Variants in CNBD1 observed in about 807,000 individuals in gnomAD.
The protein encoded by CNBD1 is cyclic nucleotide-binding domain-containing protein 1.
In CNBD1, 71 loss-of-function variants were observed where a neutral mutation model predicts 54.4. That is an observed-to-expected ratio of 1.30 (90% confidence interval 1.08 to 1.59). The LOEUF (loss-of-function observed/expected upper bound fraction) is 1.59, where lower values mean the gene tolerates loss of function less well. Among genes scored for constraint, CNBD1 ranks in the 40% most tolerant of loss-of-function variants. The pLI, the probability that CNBD1 is intolerant of heterozygous loss-of-function variation, is 0.00. For missense variants in CNBD1, 659 were observed against 518.0 expected, an observed-to-expected ratio of 1.27 and a Z score of -2.64; for synonymous variants, 182 against 170.7, an observed-to-expected ratio of 1.07 and a Z score of -0.51.
At chr8:87,083,595 T>C (rs917392632) in intron 4 of CNBD1, among the ~76,000 whole-genome samples, 14 of 148,148 alleles carry the variant, frequency 9.5e-5, no homozygotes, top group African/African-American at 3.5e-4. Context: ...CTTTTTTTTT[T>C]TTTTTTTTTT....
chr8:87,139,044 T>A (rs1051174107), intron 4 of CNBD1, among the ~76,000 whole-genome samples: 12 of 152,296 alleles, frequency 7.9e-5, no homozygotes, highest in South Asian at 6.2e-4. Flanking sequence ...CATAGTGGCC[T>A]CTTTTGTCGT....
chr8:86,936,567 C>T (rs1809551639), intron 3 of CNBD1, among the ~76,000 whole-genome samples: 1 of 151,836 alleles, frequency 6.6e-6, no homozygotes, highest in Admixed American at 6.6e-5. Flanking sequence ...TGTGAAACCC[C>T]ATCTCTACTA....
At chr8:87,305,637 C>T (rs895780580) in intron 8 of CNBD1, among the ~76,000 whole-genome samples, 32 of 151,988 alleles carry the variant, frequency 2.1e-4, no homozygotes, top group South Asian at 6.2e-4. Flanking sequence ...ACAAAGCAAA[C>T]GAAAACATAA....
chr8:87,249,187 G>T (rs1001149533), intron 6 of CNBD1, among the ~76,000 whole-genome samples: 1 of 152,098 alleles, frequency 6.6e-6, no homozygotes, highest in African/African-American at 2.4e-5. Context: ...TCAGGCATTA[G>T]ATTCTCATAA....
In CNBD1 at chr8:87,341,115, C is replaced by T. The variant is rs764242088; in HGVS notation, c.1043-10570C>T. Among the ~76,000 whole-genome samples the T allele has an allele frequency of 4.6e-4, 70 of 152,228 alleles. 2 individuals are homozygous for T. The highest frequency in any genetic ancestry group is 6.9e-4 in the Non-Finnish European group (47 of 68,014). On this transcript the variant is annotated intron_variant, in intron 8 of 10. Coordinates refer to ENST00000518476, the MANE Select transcript of CNBD1 (RefSeq NM_173538.3). The stretch of plus-strand genomic sequence containing the variant: ...TTTTCTTTAGATGTATCTTCTTGGA[C>T]TTGTGCTTGTAAATTTCTAATTCAA...
chr8:87,325,109 G>C (rs368431073), intron 8 of CNBD1, among the ~76,000 whole-genome samples: 2,736 of 86,794 alleles, frequency 0.032, 205 homozygotes, highest in African/African-American at 0.096. Context: ...GTAGTTGGGC[G>C]GCTTTGAGTG....
intron 4 of CNBD1, among the ~76,000 whole-genome samples, chr8:87,036,361 G>A (rs555436730): frequency 1.5e-4 from 23 of 152,148 alleles, no homozygotes; most frequent in Non-Finnish European, 2.8e-4. Flanking sequence ...TTGGGAGGCC[G>A]AGGCGGGCGG....
intron 8 of CNBD1, among the ~76,000 whole-genome samples, chr8:87,316,877 TTTA>T (rs201618188): frequency 8.6e-5 from 13 of 151,346 alleles, no homozygotes; most frequent in Admixed American, 2.0e-4. Flanking sequence ...TCGATATGAA[TTTA>T]TTATTATATA....
chr8:87,379,127 C>G (rs1811018330), intron 10 of CNBD1, among the ~76,000 whole-genome samples: 1 of 151,676 alleles, frequency 6.6e-6, no homozygotes, highest in African/African-American at 2.4e-5. Flanking sequence ...TCCTCTTTTC[C>G]TAATTGAATA....
chr8:87,317,226 T>G (rs906481463), intron 8 of CNBD1, among the ~76,000 whole-genome samples: 2 of 151,130 alleles, frequency 1.3e-5, no homozygotes, highest in Non-Finnish European at 3.0e-5. Flanking sequence ...TAAATTCTTC[T>G]GTTTGTTTGG....
intron 8 of CNBD1, among the ~76,000 whole-genome samples, chr8:87,311,597 A>G (rs1037232686): frequency 6.6e-6 from 1 of 152,150 alleles, no homozygotes; most frequent in Admixed American, 6.6e-5. Context: ...ATTATTGAGT[A>G]TATATCTAAA....
At chr8:87,363,418 G>T (rs951457914) in intron 10 of CNBD1, among the ~76,000 whole-genome samples, 3 of 152,180 alleles carry the variant, frequency 2.0e-5, no homozygotes, top group Non-Finnish European at 2.9e-5. Flanking sequence ...TTGAGGAATT[G>T]TCACACTGTC....
chr8:87,209,661 A>G (rs1814051270), intron 5 of CNBD1, among the ~76,000 whole-genome samples: 1 of 152,186 alleles, frequency 6.6e-6, no homozygotes, highest in African/African-American at 2.4e-5. Context: ...TTTCACAGAA[A>G]TAGAAAAACA....
At chr8:87,267,073 A>G (rs977296958) in intron 6 of CNBD1, among the ~76,000 whole-genome samples, 8 of 152,180 alleles carry the variant, frequency 5.3e-5, no homozygotes, top group Non-Finnish European at 1.2e-4. Context: ...TGAAAAGACA[A>G]GGCACACACT....
chr8:86,981,452 T>C (rs1184894146), intron 4 of CNBD1, among the ~76,000 whole-genome samples: 2 of 152,208 alleles, frequency 1.3e-5, no homozygotes, highest in Non-Finnish European at 2.9e-5. Context: ...AACCTAAGAA[T>C]TACTGAGCTA....
At chr8:86,907,519 T>C (rs1809035289) in intron 3 of CNBD1, among the ~76,000 whole-genome samples, 1 of 151,558 alleles carries the variant, frequency 6.6e-6, no homozygotes, top group Admixed American at 6.6e-5. Context: ...ATACAAAAAA[T>C]TAGCCGGGCA....
intron 4 of CNBD1, among the ~76,000 whole-genome samples, chr8:86,982,577 G>A (rs1036323431): frequency 6.6e-6 from 1 of 152,050 alleles, no homozygotes; most frequent in Non-Finnish European, 1.5e-5. Context: ...TTGTAAGTTT[G>A]TCAAAAATTG....
At chr8:87,131,489 C>G in intron 4 of CNBD1, among the ~76,000 whole-genome samples, 1 of 152,026 alleles carries the variant, frequency 6.6e-6, no homozygotes, top group South Asian at 2.1e-4. Flanking sequence ...TATAGTACAT[C>G]TATACATGAT....
At chr8:87,001,980 T>G (rs568255982) in intron 4 of CNBD1, among the ~76,000 whole-genome samples, 9 of 152,330 alleles carry the variant, frequency 5.9e-5, no homozygotes, top group South Asian at 4.1e-4. Flanking sequence ...TTTCATTTTT[T>G]CATTTGTTGA....
Sources: allele counts gnomAD v4.1 joint callset (sites outside exome capture counted in the v4.1 genomes callset), GRCh38; gene constraint gnomAD v4.1.1; transcripts MANE v1.5; gene names NCBI Gene and HGNC (gene_info 2026-07-23, HGNC 2026-07-21).